ECHDC1: variants seen among roughly 807,000 people sequenced by gnomAD.
ECHDC1 encodes ethylmalonyl-CoA decarboxylase 1.
ECHDC1 carries 29 observed loss-of-function variants against 29.7 expected under a neutral mutation model. That is an observed-to-expected ratio of 0.98 (90% CI 0.73 to 1.33). The LOEUF (loss-of-function observed/expected upper bound fraction) is 1.33, where lower values mean the gene tolerates loss of function less well. Ranked by LOEUF, ECHDC1 falls within the 40% of genes most tolerant of loss-of-function variation. ECHDC1 has a pLI of 0.00. For missense variants in ECHDC1, 328 were observed against 350.0 expected (o/e 0.94, Z 0.50); for synonymous variants, 126 against 123.1 (o/e 1.02, Z -0.15).
intron 3 of ECHDC1, among the ~76,000 whole-genome samples, chr6:127,325,726 G>A (rs1053858666): frequency 1.3e-5 from 2 of 151,724 alleles, no homozygotes; most frequent in African/African-American, 4.8e-5. Context: ...TTTGAGACAG[G>A]GTCTCACTCT....
chr6:127,328,808 C>T (rs1168635233), intron 2 of ECHDC1, among the ~76,000 whole-genome samples: 1 of 152,040 alleles, frequency 6.6e-6, no homozygotes. Context: ...GGGCAGATCA[C>T]GAGGTCAGGA....
intron 5 of ECHDC1, among the ~76,000 whole-genome samples, chr6:127,314,371 T>C (rs1782191651): frequency 6.6e-6 from 1 of 152,174 alleles, no homozygotes; most frequent in Non-Finnish European, 1.5e-5. Context: ...ACAAAGTTGC[T>C]ATAAATCACA....
chr6:127,331,146 C>T (rs569775563), intron 1 of ECHDC1, 116 bp from the exon 2 acceptor site: 8 of 705,918 alleles, frequency 1.1e-5, no homozygotes, highest in African/African-American at 1.0e-4. Context: ...AATACTTCCC[C>T]ATTTCTTTTT....
At chr6:127,332,019 TAAG>T (rs535194762) in intron 1 of ECHDC1, among the ~76,000 whole-genome samples, 18 of 152,324 alleles carry the variant, frequency 1.2e-4, no homozygotes, top group African/African-American at 4.1e-4. Flanking sequence ...CTTGTTGATA[TAAG>T]ATTATATGCA....
rs1779941999 is a variant in ECHDC1, at chr6:127,289,632, T to C, written c.*237A>G. 2.4e-6 allele frequency: 1 copy of C among 421,306 alleles called. No homozygotes were observed. Among genetic ancestry groups the C allele is most frequent in the African/African-American group, 2.0e-5 (1 of 49,540 alleles). The allele number at this position is 421,306 out of a possible 1,614,324, so 26.1% of individuals were successfully genotyped here. A position where few individuals can be genotyped will look rare whatever the true frequency, so the allele number is the denominator to read the frequency against. ...TTATTATTGGAATTGACAGCAATAA[T>C]TTTTAAGCCAAAAGTGTATATTTTA... is the stretch of plus-strand genomic sequence containing the variant. On this transcript the variant is annotated 3_prime_UTR_variant, in exon 6 of 6. Transcript: ENST00000454859.
intron 1 of ECHDC1, among the ~76,000 whole-genome samples, chr6:127,340,572 A>G (rs1326192560): frequency 6.6e-6 from 1 of 152,228 alleles, no homozygotes; most frequent in East Asian, 1.9e-4. Flanking sequence ...AGAGCCAAAC[A>G]TAGCATGCCT....
chr6:127,321,761 G>A (rs1250465343), intron 3 of ECHDC1, among the ~76,000 whole-genome samples: 1 of 151,956 alleles, frequency 6.6e-6, no homozygotes, highest in Admixed American at 6.6e-5. Context: ...CTAGCACTTT[G>A]GGAGGCTGAG....
intron 3 of ECHDC1, among the ~76,000 whole-genome samples, chr6:127,319,382 T>C (rs1347672594): frequency 6.6e-6 from 1 of 152,210 alleles, no homozygotes; most frequent in African/African-American, 2.4e-5. Flanking sequence ...GTTAGAACAG[T>C]GTCTGACATA....
At chr6:127,291,676 A>C (rs890053588) in intron 5 of ECHDC1, among the ~76,000 whole-genome samples, 2 of 152,120 alleles carry the variant, frequency 1.3e-5, no homozygotes, top group Non-Finnish European at 2.9e-5. Context: ...AGAAGACCTT[A>C]AGTTGGGTTG....
chr6:127,305,613 CAT>C (rs1781380414), intron 5 of ECHDC1, among the ~76,000 whole-genome samples: 3 of 152,046 alleles, frequency 2.0e-5, no homozygotes, highest in Admixed American at 6.6e-5. Flanking sequence ...CTTTTCATGA[CAT>C]AGACAGTATA....
intron 2 of ECHDC1, chr6:127,329,761 CT>C: frequency 3.2e-6 from 1 of 310,886 alleles, no homozygotes; most frequent in Non-Finnish European, 6.4e-6. Flanking sequence ...TTAATTTTAC[CT>C]TTTTTAAATT....
At chr6:127,299,976 CA>C (rs1323626473) in intron 5 of ECHDC1, among the ~76,000 whole-genome samples, 1 of 152,038 alleles carries the variant, frequency 6.6e-6, no homozygotes, top group African/African-American at 2.4e-5. Flanking sequence ...AGCCTAGGAG[CA>C]ATAAGCTATA....
chr6:127,320,321 G>C (rs936130965), intron 3 of ECHDC1, among the ~76,000 whole-genome samples: 3 of 152,068 alleles, frequency 2.0e-5, no homozygotes, highest in Non-Finnish European at 4.4e-5. Context: ...TTGGCCGCTT[G>C]TCTGTAAATT....
intron 5 of ECHDC1, among the ~76,000 whole-genome samples, chr6:127,303,004 A>G (rs1435719625): frequency 6.6e-6 from 1 of 152,170 alleles, no homozygotes; most frequent in Non-Finnish European, 1.5e-5. Context: ...ATTGAACACT[A>G]GTTTTCAAGA....
At chr6:127,332,555 A>T (rs951384855) in intron 1 of ECHDC1, among the ~76,000 whole-genome samples, 5 of 152,062 alleles carry the variant, frequency 3.3e-5, no homozygotes, top group African/African-American at 1.2e-4. Flanking sequence ...GGACAACTCT[A>T]AACTTCTGTG....
At chr6:127,299,537 G>T (rs888338588) in intron 5 of ECHDC1, among the ~76,000 whole-genome samples, 1 of 151,508 alleles carries the variant, frequency 6.6e-6, no homozygotes, top group Admixed American at 6.6e-5. Flanking sequence ...AAATACTTTC[G>T]TTCAGCTGTA....
At chr6:127,337,652 T>A (rs1404540699) in intron 1 of ECHDC1, among the ~76,000 whole-genome samples, 1 of 152,228 alleles carries the variant, frequency 6.6e-6, no homozygotes, top group Non-Finnish European at 1.5e-5. Flanking sequence ...CAGGCCATGG[T>A]CACTCATATT....
chr6:127,300,992 A>G (rs1488534268), intron 5 of ECHDC1, among the ~76,000 whole-genome samples: 1 of 69,842 alleles, frequency 1.4e-5, no homozygotes. Context: ...ATGAGAGGCT[A>G]TATTACCACA....
intron 5 of ECHDC1, among the ~76,000 whole-genome samples, chr6:127,304,836 C>A (rs1372938003): frequency 5.3e-5 from 8 of 151,938 alleles, no homozygotes; most frequent in Non-Finnish European, 5.9e-5. Context: ...AATTAGTGAG[C>A]TTGAAGACAG....
Sources: gnomAD v4.1 joint callset for allele counts (sites outside exome capture counted in the v4.1 genomes callset) on GRCh38, gnomAD v4.1.1 for gene constraint, MANE v1.5 for transcripts, NCBI Gene and HGNC (gene_info 2026-07-23, HGNC 2026-07-21) for gene names.